ALK: variants seen among roughly 807,000 people sequenced by gnomAD.
ALK encodes ALK receptor tyrosine kinase, also known as ALK tyrosine kinase receptor.
A neutral mutation model predicts 163.1 loss-of-function variants in ALK; 74 were observed. The observed-to-expected ratio is 0.45, with a 90% CI of 0.38 to 0.55. ALK has a LOEUF of 0.55. ALK is among the 20% of genes least tolerant of loss of function. The pLI is 0.00. For missense variants in ALK, 2,063 were observed against 2,105.3 expected, an observed-to-expected ratio of 0.98 and a Z score of 0.39; for synonymous variants, 960 against 843.2, an observed-to-expected ratio of 1.14 and a Z score of -2.40.
At position 29,193,511 on chromosome 2, in the gene ALK, C is replaced by T. The variant is rs1558603565; in HGVS notation, c.4576G>A (p.Glu1526Lys). 6.2e-7 allele frequency: 1 copy of T among 1,614,148 alleles called. No individual in the cohort carries two copies. Among genetic ancestry groups the T allele is most frequent in the Non-Finnish European group, 8.5e-7 (1 of 1,180,028 alleles). Reference sequence around the variant, plus strand: ...CCCAGGTTACCCCTGTCGTGTGGCTCCTTCTTTGCTATAGGATTATTCTTT... The same window carrying T: ...CCCAGGTTACCCCTGTCGTGTGGCTTCTTCTTTGCTATAGGATTATTCTTT... ...TKKNNPIAKKEPHDRGNLGLE... is the reference protein window; with the variant it reads ...TKKNNPIAKKKPHDRGNLGLE... Residue 1526 changes from glutamate to lysine, a missense_variant, in exon 29 of 29, where the codon GAG (glutamate) becomes AAG (lysine). By Grantham distance (56) the Glu-to-Lys change is moderately conservative (BLOSUM62 1). Coordinates refer to ENST00000389048, the MANE Select transcript of ALK (RefSeq NM_004304.5).
chr2:29,348,962 G>A (rs752041377), intron 5 of ALK, among the ~76,000 whole-genome samples: 1 of 152,240 alleles, frequency 6.6e-6, no homozygotes, highest in Non-Finnish European at 1.5e-5. Context: ...GTAAGATTGG[G>A]AAGTGGTTTA....
At chr2:29,806,151 T>C (rs952439640) in intron 1 of ALK, among the ~76,000 whole-genome samples, 4 of 152,104 alleles carry the variant, frequency 2.6e-5, no homozygotes, top group East Asian at 3.9e-4. Flanking sequence ...TGTGATACCA[T>C]ATGGAAAGGC....
At chr2:29,893,503 T>C (rs1243977903) in intron 1 of ALK, among the ~76,000 whole-genome samples, 1 of 152,216 alleles carries the variant, frequency 6.6e-6, no homozygotes, top group East Asian at 1.9e-4. Flanking sequence ...TTATTGTTAT[T>C]GTTGTTATAA....
At chr2:29,470,665 AT>A (rs1191604051) in intron 4 of ALK, among the ~76,000 whole-genome samples, 4 of 141,462 alleles carry the variant, frequency 2.8e-5, no homozygotes, top group Non-Finnish European at 6.1e-5. Context: ...GAAATAAGAC[AT>A]TTCAGACAAA....
At position 29,551,490 on chromosome 2, in the gene ALK, A is replaced by T. The variant is rs78455454; in HGVS notation, c.953-19374T>A. Among the ~76,000 whole-genome samples the T allele has an allele frequency of 2.2e-4, 34 of 152,260 alleles. 1 individual carries two copies. In the East Asian group the frequency reaches 6.2e-3, roughly 28 times the overall value. ...TCTCTTTCACACAGATGAAGAAACA[A>T]ATTTAGAGGGTTAGGTGACCTCCCA... On this transcript the variant is annotated intron_variant, in intron 3 of 28. Transcript: ENST00000389048.
At chr2:29,672,221 ATTGT>A (rs1677715984) in intron 3 of ALK, among the ~76,000 whole-genome samples, 1 of 150,986 alleles carries the variant, frequency 6.6e-6, no homozygotes, top group South Asian at 2.1e-4. Flanking sequence ...ACATGTGCAC[ATTGT>A]GCAGGTTAGT....
chr2:29,569,869 C>T (rs1459322170), intron 3 of ALK, among the ~76,000 whole-genome samples: 2 of 152,220 alleles, frequency 1.3e-5, no homozygotes, highest in African/African-American at 4.8e-5. Flanking sequence ...TCCAGGTTGT[C>T]CCCCTTCCCT....
intron 3 of ALK, among the ~76,000 whole-genome samples, chr2:29,555,687 G>A (rs572763062): frequency 2.0e-5 from 3 of 152,278 alleles, no homozygotes; most frequent in African/African-American, 4.8e-5. Flanking sequence ...TCAATTGAAC[G>A]AGCCTGAAGA....
intron 3 of ALK, 78 bp downstream of exon 3, chr2:29,694,772 C>G (rs2148289425): frequency 6.4e-7 from 1 of 1,562,958 alleles, no homozygotes; most frequent in Non-Finnish European, 8.8e-7. Context: ...GGAGTGAAGT[C>G]TCATCATTTC....
At chr2:29,528,858 G>T (rs977153330) in intron 4 of ALK, among the ~76,000 whole-genome samples, 2 of 152,168 alleles carry the variant, frequency 1.3e-5, no homozygotes, top group African/African-American at 4.8e-5. Context: ...GGCCTAGGCT[G>T]TTTGGTAGCC....
At chr2:29,635,472 C>T (rs1267828682) in intron 3 of ALK, among the ~76,000 whole-genome samples, 1 of 152,002 alleles carries the variant, frequency 6.6e-6, no homozygotes, top group African/African-American at 2.4e-5. Context: ...AGTGATGTGG[C>T]CAAGGGATGT....
intron 3 of ALK, among the ~76,000 whole-genome samples, chr2:29,640,674 A>T (rs1490795740): frequency 1.3e-5 from 2 of 152,192 alleles, no homozygotes; most frequent in Admixed American, 6.5e-5. Flanking sequence ...GGCCTAATAT[A>T]CCAGGTATGT....
intron 4 of ALK, among the ~76,000 whole-genome samples, chr2:29,452,225 T>C (rs1558330410): frequency 1.3e-5 from 2 of 152,192 alleles, no homozygotes; most frequent in Non-Finnish European, 2.9e-5. Context: ...CATGCCTGGC[T>C]GATTTCCTTT....
chr2:29,209,689 A>G (rs1039664457), intron 25 of ALK, 97 bp downstream of exon 25: 8 of 860,944 alleles, frequency 9.3e-6, no homozygotes, highest in East Asian at 2.5e-5. Flanking sequence ...TTGACAGGGT[A>G]CCAGGAGATG....
At chr2:29,710,438 C>T (rs1463950039) in intron 2 of ALK, among the ~76,000 whole-genome samples, 1 of 152,004 alleles carries the variant, frequency 6.6e-6, no homozygotes, top group East Asian at 1.9e-4. Flanking sequence ...TCAAATGAAA[C>T]ATCCTGGATC....
At position 29,920,696 on chromosome 2, in the gene ALK, C is replaced by A. The variant is rs1667976693; in HGVS notation, c.-37G>T. The A allele has an allele frequency of 6.6e-7, 1 of 1,507,030 alleles. No individual in the cohort carries two copies. Among genetic ancestry groups the A allele is most frequent in the South Asian group, 1.2e-5 (1 of 83,134 alleles). 93.4% of individuals were successfully genotyped at this position (1,507,030 alleles called of 1,614,324 possible). A position where few individuals can be genotyped will look rare whatever the true frequency, so the allele number is the denominator to read the frequency against. Reference sequence around the variant, plus strand: ...AGGCCGTTTACACTGCTCTCCGGGCCCAGCCTCACCCTTCGCTCTCCCCGA... The same window carrying A: ...AGGCCGTTTACACTGCTCTCCGGGCACAGCCTCACCCTTCGCTCTCCCCGA... On this transcript the variant is annotated 5_prime_UTR_variant, in exon 1 of 29. Coordinates refer to ENST00000389048, the MANE Select transcript of ALK (RefSeq NM_004304.5).
chr2:29,839,954 C>T (rs72788263), intron 1 of ALK, among the ~76,000 whole-genome samples: 20,236 of 152,184 alleles, frequency 0.13, 1,521 homozygotes, highest in South Asian at 0.22. Flanking sequence ...CCAAGGTAGG[C>T]AGCATTAACA....
chr2:29,220,053 G>T (rs974789138), intron 23 of ALK, among the ~76,000 whole-genome samples: 1 of 152,116 alleles, frequency 6.6e-6, no homozygotes, highest in African/African-American at 2.4e-5. Context: ...CTCTAGTTTG[G>T]TTTTCCAGAG....
chr2:29,759,074 C>A (rs1680625640), intron 1 of ALK, among the ~76,000 whole-genome samples: 2 of 152,138 alleles, frequency 1.3e-5, no homozygotes, highest in African/African-American at 4.8e-5. Flanking sequence ...TTTTTCCCAT[C>A]TCTTTTCTGT....
Sources: allele counts gnomAD v4.1 joint callset (sites outside exome capture counted in the v4.1 genomes callset), GRCh38; gene constraint gnomAD v4.1.1; transcripts MANE v1.5; gene names NCBI Gene and HGNC (gene_info 2026-07-23, HGNC 2026-07-21).